Variants in CTNNA2 observed in about 807,000 individuals in gnomAD.
CTNNA2 encodes catenin alpha 2.
CTNNA2 carries 42 observed loss-of-function variants against 101.0 expected under a neutral mutation model. The ratio of observed to expected loss-of-function variants is 0.42; its 90% CI spans 0.32 to 0.54. The LOEUF is 0.54. Among genes scored for constraint, CTNNA2 ranks in the 20% least tolerant of loss-of-function variants. CTNNA2 has a pLI of 0.14. For synonymous variants in CTNNA2, 450 were observed against 456.4 expected, an observed-to-expected ratio of 0.99 and a Z score of 0.18; for missense variants, 871 against 1,223.1, an observed-to-expected ratio of 0.71 and a Z score of 4.29.
At chr2:79,704,669 C>G (rs1279351852) in intron 2 of CTNNA2, among the ~76,000 whole-genome samples, 1 of 150,760 alleles carries the variant, frequency 6.6e-6, no homozygotes, top group Non-Finnish European at 1.5e-5. Context: ...CCCGCCACCA[C>G]GCCTGGCTAA....
intron 7 of CTNNA2, among the ~76,000 whole-genome samples, chr2:79,972,747 A>G (rs557150929): frequency 1.3e-5 from 2 of 152,312 alleles, no homozygotes; most frequent in South Asian, 4.1e-4. Context: ...TGTTTCCAAA[A>G]TAGAGCACAT....
intron 9 of CTNNA2, among the ~76,000 whole-genome samples, chr2:80,444,104 T>G (rs988364611): frequency 6.6e-6 from 1 of 152,230 alleles, no homozygotes; most frequent in Non-Finnish European, 1.5e-5. Flanking sequence ...TCTCTGAATG[T>G]CAGTTTTCCC....
intron 1 of CTNNA2, among the ~76,000 whole-genome samples, chr2:79,541,433 T>TC (rs1673413594): frequency 9.2e-6 from 1 of 108,764 alleles, no homozygotes; most frequent in African/African-American, 4.2e-5. Context: ...CACACATATA[T>TC]ATATATATAT....
At chr2:79,695,689 T>A (rs942201748) in intron 2 of CTNNA2, among the ~76,000 whole-genome samples, 1 of 151,872 alleles carries the variant, frequency 6.6e-6, no homozygotes, top group African/African-American at 2.4e-5. Context: ...TGGTCTCTTA[T>A]CAGGCAAAAA....
At chr2:79,782,108 A>G (rs1674489263) in intron 3 of CTNNA2, among the ~76,000 whole-genome samples, 1 of 152,170 alleles carries the variant, frequency 6.6e-6, no homozygotes, top group African/African-American at 2.4e-5. Context: ...TTGCTTATCA[A>G]ATCTTTAAAT....
chr2:80,167,695 T>C (rs1704792856), intron 7 of CTNNA2, among the ~76,000 whole-genome samples: 1 of 152,340 alleles, frequency 6.6e-6, no homozygotes, highest in South Asian at 2.1e-4. Context: ...AGTCAGATAT[T>C]CTTCTCTGGC....
chr2:80,323,419 T>G (rs1678917192), intron 7 of CTNNA2, among the ~76,000 whole-genome samples: 1 of 152,114 alleles, frequency 6.6e-6, no homozygotes, highest in Non-Finnish European at 1.5e-5. Context: ...CTTGCTTGCC[T>G]GCTGTCTCAC....
At chr2:79,982,579 T>TAATA (rs1320830541) in intron 7 of CTNNA2, among the ~76,000 whole-genome samples, 2 of 104,950 alleles carry the variant, frequency 1.9e-5, no homozygotes, top group African/African-American at 8.4e-5. Flanking sequence ...GGTAGGTTTC[T>TAATA]GATGTTTCTG....
intron 17 of CTNNA2, 38 bp from the exon 18 acceptor site, chr2:80,619,047 T>A: frequency 3.1e-6 from 4 of 1,281,566 alleles, no homozygotes; most frequent in Non-Finnish European, 4.1e-6. Context: ...TTTTGCTCTC[T>A]CTCTCATTCT....
intron 3 of CTNNA2, among the ~76,000 whole-genome samples, chr2:79,770,696 AAG>A (rs1673509474): frequency 6.6e-6 from 1 of 152,190 alleles, no homozygotes; most frequent in African/African-American, 2.4e-5. Context: ...TCTGATTACC[AAG>A]AGAGATATAT....
intron 7 of CTNNA2, among the ~76,000 whole-genome samples, chr2:80,367,822 G>A (rs1183868553): frequency 6.6e-6 from 1 of 151,872 alleles, no homozygotes; most frequent in African/African-American, 2.4e-5. Context: ...TTATTTTGTT[G>A]GTTTGTTTTT....
intron 9 of CTNNA2, among the ~76,000 whole-genome samples, chr2:80,537,987 T>C (rs1472039921): frequency 6.6e-6 from 1 of 152,236 alleles, no homozygotes; most frequent in African/African-American, 2.4e-5. Context: ...CCAGTGATGA[T>C]GAGCTTTTTT....
At chr2:80,073,703 C>G (rs1296032300) in intron 7 of CTNNA2, among the ~76,000 whole-genome samples, 1 of 147,372 alleles carries the variant, frequency 6.8e-6, no homozygotes, top group Non-Finnish European at 1.5e-5. Flanking sequence ...CTGGTTTGTT[C>G]ATAAAACAAA....
intron 7 of CTNNA2, among the ~76,000 whole-genome samples, chr2:80,116,376 TA>T (rs563446744): frequency 0.04 from 2,590 of 65,278 alleles, 33 homozygotes; most frequent in African/African-American, 0.08. Context: ...CCTAAAAAGC[TA>T]AAAAAAAAAA....
Position 79,962,793 on chromosome 2 carries a change from C to T in CTNNA2, c.1056+52996C>T, listed in dbSNP as rs540524884. On this transcript the variant is annotated intron_variant, in intron 7 of 18. Coordinates refer to ENST00000402739, the MANE Select transcript of CTNNA2 (RefSeq NM_001282597.3). ...TGAATTAATGTTACACAAAATTGGC[C>T]GGGCGCGGTGGCTCACGCCTGTAAT... 5.3e-5 allele frequency among the ~76,000 whole-genome samples: 8 copies of T among 152,190 alleles called. No individual in the cohort carries two copies. The East Asian group carries it at 5.8e-4, about 11-fold the overall frequency.
At chr2:80,241,322 C>T (rs1670921833) in intron 7 of CTNNA2, among the ~76,000 whole-genome samples, 1 of 151,156 alleles carries the variant, frequency 6.6e-6, no homozygotes, top group Non-Finnish European at 1.5e-5. Flanking sequence ...CTTCATCAAA[C>T]AATTTTGGAA....
intron 1 of CTNNA2, among the ~76,000 whole-genome samples, chr2:79,599,979 A>G (rs1191830644): frequency 6.6e-6 from 1 of 152,178 alleles, no homozygotes; most frequent in Admixed American, 6.5e-5. Flanking sequence ...GATTGCAGAA[A>G]CAGGTCTAAG....
intron 2 of CTNNA2, among the ~76,000 whole-genome samples, chr2:79,691,817 C>T (rs373052282): frequency 6.6e-6 from 1 of 152,050 alleles, no homozygotes; most frequent in South Asian, 2.1e-4. Context: ...ACTGGCTAGC[C>T]ATATGCAGAA....
chr2:79,548,077 T>C (rs942675998), intron 1 of CTNNA2: 3 of 152,234 alleles, frequency 2.0e-5, no homozygotes, highest in Non-Finnish European at 2.9e-5. Context: ...AGGGTTTATC[T>C]CCTGTTTGAG....
Sources: gnomAD v4.1 joint callset for allele counts (sites outside exome capture counted in the v4.1 genomes callset) on GRCh38, gnomAD v4.1.1 for gene constraint, MANE v1.5 for transcripts, NCBI Gene and HGNC (gene_info 2026-07-23, HGNC 2026-07-21) for gene names.